AGBL1: variants seen among roughly 807,000 people sequenced by gnomAD.
AGBL1 encodes the protein AGBL carboxypeptidase 1.
In AGBL1, 130 loss-of-function variants were observed where a neutral mutation model predicts 118.9. The observed-to-expected ratio is 1.09, with a 90% confidence interval of 0.95 to 1.26. The LOEUF (loss-of-function observed/expected upper bound fraction) is 1.26, where lower values mean the gene tolerates loss of function less well. Among genes scored for constraint, AGBL1 ranks in the 50% most tolerant of loss-of-function variants. The pLI, the probability that AGBL1 is intolerant of heterozygous loss-of-function variation, is 0.00. For synonymous variants in AGBL1, 555 were observed against 478.9 expected (o/e 1.16, Z -2.08); for missense variants, 1,584 against 1,298.1 (o/e 1.22, Z -3.38).
downstream of AGBL1, among the ~76,000 whole-genome samples, chr15:86,917,771 GGAGAGAAGGAGAGAGA>G (rs1052974961): frequency 9.6e-6 from 1 of 104,200 alleles, no homozygotes; most frequent in African/African-American, 3.0e-5. The surrounding 1 kb of genome is among the most constrained non-coding windows in gnomAD (Gnocchi z 4.8). Flanking sequence ...GTGTGCACTG[GGAGAGAAGGAGAGAGA>G]GAGAAGAGAG....
chr15:86,093,096 C>G (rs572454636), intron 1 of AGBL1, among the ~76,000 whole-genome samples: 1 of 152,178 alleles, frequency 6.6e-6, no homozygotes, highest in African/African-American at 2.4e-5. Flanking sequence ...CAATATAGAG[C>G]TTTCCAAGAA....
At chr15:86,845,225 G>C (rs2079301987) in intron 22 of AGBL1, among the ~76,000 whole-genome samples, 1 of 152,048 alleles carries the variant, frequency 6.6e-6, no homozygotes, top group Non-Finnish European at 1.5e-5. Context: ...CACTTCGAAT[G>C]TATAAATCAG....
At chr15:86,387,856 C>A (rs2081219514) in intron 17 of AGBL1, among the ~76,000 whole-genome samples, 1 of 152,120 alleles carries the variant, frequency 6.6e-6, no homozygotes, top group Admixed American at 6.5e-5. Context: ...TAAGCAAATC[C>A]ATCACTGAAA....
chr15:86,366,428 C>T (rs1036021551), intron 17 of AGBL1, among the ~76,000 whole-genome samples: 2 of 152,142 alleles, frequency 1.3e-5, no homozygotes, highest in African/African-American at 4.8e-5. Context: ...TTTTAATCCT[C>T]ATTTTATGGT....
rs549837484 is a variant in AGBL1, at chr15:86,551,402, G to A, written c.2818-2959G>A. Reference sequence around the variant, plus strand: ...ACCAAAATTGGGATTGAAAGAAGGGGCATCACTACAGATCTTACAAAGTAA... The same window carrying A: ...ACCAAAATTGGGATTGAAAGAAGGGACATCACTACAGATCTTACAAAGTAA... On this transcript the variant is annotated intron_variant, in intron 20 of 22. Coordinates refer to ENST00000614907, the MANE Select transcript of AGBL1 (RefSeq NM_001386094.1). Among the ~76,000 whole-genome samples, 65 of 152,036 alleles carry A rather than the reference G, an allele frequency of 4.3e-4. 1 individual carries two copies. Among genetic ancestry groups the A allele is most frequent in the Non-Finnish European group, 6.2e-4 (42 of 67,986 alleles).
intron 22 of AGBL1, among the ~76,000 whole-genome samples, chr15:86,825,387 TAAAAAAAAAAAAAAAAAAAAA>T (rs869042604): frequency 0.029 from 324 of 11,160 alleles, 28 homozygotes; most frequent in Admixed American, 0.082. Flanking sequence ...GTAGAAACTG[TAAAAAAAAAAAAAAAAAAAAA>T]AAAAAAAAAA....
chr15:86,521,135 G>A (rs1225582219), intron 18 of AGBL1, among the ~76,000 whole-genome samples: 1 of 152,126 alleles, frequency 6.6e-6, no homozygotes, highest in East Asian at 1.9e-4. Flanking sequence ...AAGATTTTTA[G>A]TTTCCAGTAA....
At chr15:86,703,048 G>A (rs2086387343) in intron 22 of AGBL1, among the ~76,000 whole-genome samples, 1 of 152,134 alleles carries the variant, frequency 6.6e-6, no homozygotes, top group Non-Finnish European at 1.5e-5. Flanking sequence ...GGAAAATCCA[G>A]TTATTGTAGT....
intron 22 of AGBL1, among the ~76,000 whole-genome samples, chr15:86,832,265 G>C (rs947012139): frequency 6.6e-6 from 1 of 152,152 alleles, no homozygotes; most frequent in South Asian, 2.1e-4. Context: ...TTGGCTCTTC[G>C]TTACTTATGC....
chr15:86,449,586 A>C (rs2082167926), intron 18 of AGBL1, among the ~76,000 whole-genome samples: 1 of 152,242 alleles, frequency 6.6e-6, no homozygotes, highest in Non-Finnish European at 1.5e-5. Flanking sequence ...GATTTTACCT[A>C]CCACACAGGC....
At chr15:86,736,746 C>A (rs555328421) in intron 22 of AGBL1, among the ~76,000 whole-genome samples, 1 of 152,268 alleles carries the variant, frequency 6.6e-6, no homozygotes, top group South Asian at 2.1e-4. Context: ...AGTATGCATG[C>A]TGGAAGTATA....
At position 86,913,266 on chromosome 15, in the gene AGBL1, G is replaced by A. The variant is rs1369368339; in HGVS notation, c.*5972G>A. The A allele has an allele frequency of 6.6e-6, 1 of 151,996 alleles. No homozygotes were observed. The highest frequency in any genetic ancestry group is 1.5e-5 in the Non-Finnish European group (1 of 68,052). The allele number at this position is 151,996 out of a possible 1,614,324, so 9.4% of individuals were successfully genotyped here. ...TAAGCATAACAATGAGTGAGGGAAG[G>A]TTGATCCTCAGACACATGACACATG... is the stretch of plus-strand genomic sequence containing the variant. On this transcript the variant is annotated 3_prime_UTR_variant, in exon 23 of 23. Coordinates refer to ENST00000614907, the MANE Select transcript of AGBL1 (RefSeq NM_001386094.1).
intron 24 of AGBL1, among the ~76,000 whole-genome samples, chr15:87,013,196 C>G (rs1357616382): frequency 6.6e-6 from 1 of 152,146 alleles, no homozygotes; most frequent in Non-Finnish European, 1.5e-5. Context: ...TTACTTCATC[C>G]TCATTTTATT....
rs1022369804 is a variant in AGBL1 at position 86,189,091 on chromosome 15, C to T, written c.488+30065C>T. ...CAATGAAAAGGGCAACCAAATTAAA[C>T]AGAACTTTCTCAATTTCCTTACTAA... On this transcript the variant is annotated intron_variant, in intron 5 of 22. Transcript: ENST00000614907. 5.9e-5 allele frequency among the ~76,000 whole-genome samples: 9 copies of T among 152,314 alleles called. No individual in the cohort carries two copies. The East Asian group carries it at 1.5e-3, about 26-fold the overall frequency.
intron 23 of AGBL1, among the ~76,000 whole-genome samples, chr15:86,946,843 C>CAAAAAAA (rs11355715): frequency 2.0e-5 from 2 of 100,144 alleles, no homozygotes; most frequent in African/African-American, 3.8e-5. Context: ...AAACTCGGTC[C>CAAAAAAA]AAAAAAAAAA....
rs16977207 is a variant in AGBL1, at chr15:86,442,362, T to C, written c.2555+44816T>C. Among the ~76,000 whole-genome samples the C allele has an allele frequency of 3.2e-3, 484 of 152,296 alleles. 1 individual carries two copies. Among genetic ancestry groups the C allele is most frequent in the African/African-American group, 0.011 (457 of 41,556 alleles). On this transcript the variant is annotated intron_variant, in intron 18 of 22. Transcript: ENST00000614907. ...TTTCAGGTTCTGGTTTCATTCCCTG[T>C]TACCTGTGTCAAGCTCGCCATTTTC...
intron 17 of AGBL1, among the ~76,000 whole-genome samples, chr15:86,376,044 A>T (rs1285869853): frequency 6.6e-6 from 1 of 152,192 alleles, no homozygotes; most frequent in African/African-American, 2.4e-5. Context: ...AATATAGTTT[A>T]TGGCTATGTG....
intron 22 of AGBL1, among the ~76,000 whole-genome samples, chr15:86,820,981 C>T (rs532914136): frequency 6.6e-5 from 10 of 152,180 alleles, no homozygotes; most frequent in East Asian, 5.8e-4. Context: ...ACATGTACAC[C>T]GTGGAATACT....
chr15:86,581,071 A>G (rs1419734717), intron 21 of AGBL1, among the ~76,000 whole-genome samples: 3 of 152,184 alleles, frequency 2.0e-5, no homozygotes, highest in Non-Finnish European at 4.4e-5. Flanking sequence ...GAGTTCCAAA[A>G]GGGGAGTTAC....
Sources: allele counts gnomAD v4.1 joint callset (sites outside exome capture counted in the v4.1 genomes callset), GRCh38; gene constraint gnomAD v4.1.1; non-coding constraint Gnocchi (gnomAD v3.1); transcripts MANE v1.5; gene names NCBI Gene and HGNC (gene_info 2026-07-23, HGNC 2026-07-21).